Variants in TMEM132C observed in about 807,000 individuals in gnomAD.
TMEM132C encodes the protein transmembrane protein 132C, also known as protein phosphatase 1, regulatory subunit 152.
A neutral mutation model predicts 61.4 loss-of-function variants in TMEM132C; 29 were observed. The observed-to-expected ratio is 0.47, with a 90% confidence interval of 0.35 to 0.64. The LOEUF (loss-of-function observed/expected upper bound fraction) is 0.64, where lower values mean the gene tolerates loss of function less well. Ranked by LOEUF, TMEM132C falls within the 30% of genes least tolerant of loss-of-function variation. The pLI is 0.00. For synonymous variants in TMEM132C, 656 were observed against 633.1 expected (o/e 1.04, Z -0.54); for missense variants, 1,408 against 1,476.9 (o/e 0.95, Z 0.76).
At chr12:128,648,970 G>T (rs1025642959) in intron 4 of TMEM132C, among the ~76,000 whole-genome samples, 1 of 151,042 alleles carries the variant, frequency 6.6e-6, no homozygotes, top group Middle Eastern at 3.4e-3. Context: ...GGATGTGAGT[G>T]TGTTTAGCTC....
At chr12:128,503,665 C>A (rs1872255817) in intron 2 of TMEM132C, among the ~76,000 whole-genome samples, 1 of 152,152 alleles carries the variant, frequency 6.6e-6, no homozygotes, top group African/African-American at 2.4e-5. Flanking sequence ...CCTTTAATCC[C>A]ATCATCAATG....
intron 5 of TMEM132C, among the ~76,000 whole-genome samples, chr12:128,693,226 AGGCACTACG>A (rs1954732732): frequency 6.6e-6 from 1 of 152,120 alleles, no homozygotes; most frequent in Non-Finnish European, 1.5e-5. Flanking sequence ...CTGGGGAGGA[AGGCACTACG>A]GGCCCTTTGC....
At chr12:128,304,461 T>C (rs1871696120) in intron 1 of TMEM132C, among the ~76,000 whole-genome samples, 1 of 151,904 alleles carries the variant, frequency 6.6e-6, no homozygotes, top group South Asian at 2.1e-4. Context: ...TACAAAAAAT[T>C]AGCTGGGCAT....
intron 3 of TMEM132C, among the ~76,000 whole-genome samples, chr12:128,587,586 A>G (rs1875598186): frequency 6.6e-6 from 1 of 152,238 alleles, no homozygotes; most frequent in South Asian, 2.1e-4. Flanking sequence ...TCATGTACAC[A>G]ATGGCATTAA....
At chr12:128,306,194 T>G (rs12815175) in intron 1 of TMEM132C, among the ~76,000 whole-genome samples, 58,802 of 150,082 alleles carry the variant, frequency 0.39, 12,518 homozygotes, top group Non-Finnish European at 0.48. Context: ...CTCTTTACCC[T>G]GTGAAGAAAT....
intron 1 of TMEM132C, among the ~76,000 whole-genome samples, chr12:128,340,913 TCTTTCTCTC>T (rs1565906181): frequency 1.1e-4 from 12 of 110,038 alleles, no homozygotes; most frequent in African/African-American, 3.6e-4. Flanking sequence ...TTTCTCTCTC[TCTTTCTCTC>T]TCTCTCTCTC....
At chr12:128,304,575 C>T (rs1034445217) in intron 1 of TMEM132C, among the ~76,000 whole-genome samples, 11 of 151,946 alleles carry the variant, frequency 7.2e-5, no homozygotes, top group African/African-American at 2.7e-4. Context: ...CACCACTGCA[C>T]TCCAGCCTGG....
At chr12:128,433,716 C>A (rs1457912332) in intron 2 of TMEM132C, among the ~76,000 whole-genome samples, 1 of 152,136 alleles carries the variant, frequency 6.6e-6, no homozygotes, top group Non-Finnish European at 1.5e-5. Context: ...TTTGGAAAAT[C>A]AGAAAGGAAG....
At chr12:128,527,076 A>G (rs565008376) in intron 2 of TMEM132C, among the ~76,000 whole-genome samples, 2 of 152,334 alleles carry the variant, frequency 1.3e-5, no homozygotes, top group African/African-American at 4.8e-5. Flanking sequence ...CAGCCCGTGC[A>G]TCCTCATGAA....
rs758568956 is a variant in TMEM132C, at chr12:128,591,879, C to A, written c.1122-24273C>A. Among the ~76,000 whole-genome samples the A allele has an allele frequency of 5.5e-4, 83 of 151,892 alleles. 1 individual carries two copies. Among genetic ancestry groups the A allele is most frequent in the Non-Finnish European group, 4.7e-4 (32 of 67,932 alleles). ...CCAGCCTGGCCAATGTGATGAAACCCCATCTCTACTAAAAATACAAAAATT... is the reference window on the plus strand; with the variant it reads ...CCAGCCTGGCCAATGTGATGAAACCACATCTCTACTAAAAATACAAAAATT... On this transcript the variant is annotated intron_variant, in intron 3 of 8. Coordinates refer to ENST00000435159, the MANE Select transcript of TMEM132C (RefSeq NM_001136103.3).
chr12:128,487,097 C>T (rs1156839754), intron 2 of TMEM132C, among the ~76,000 whole-genome samples: 1 of 152,116 alleles, frequency 6.6e-6, no homozygotes, highest in Admixed American at 6.5e-5. Flanking sequence ...ACCCAGCCAC[C>T]GACCAAGGGA....
At chr12:128,681,817 A>ATTTTTTT (rs35154554) in intron 5 of TMEM132C, among the ~76,000 whole-genome samples, 66 of 86,426 alleles carry the variant, frequency 7.6e-4, no homozygotes, top group East Asian at 1.1e-3. Context: ...CCACGCCTGG[A>ATTTTTTT]TTTTTTTTTT....
In TMEM132C at chr12:128,415,355, G is replaced by A. The variant is rs530322074; in HGVS notation, c.709G>A (p.Glu237Lys). ...ELYYTVHPGN[E>K]RGDCAGGDFR... ...CTACTACACCGTGCACCCAGGAAAC[G>A]AGCGAGGGGACTGTGCCGGGGGTGA... The change falls in exon 2 of 9, where the codon GAG becomes AAG. Residue 237 changes from glutamate to lysine, a missense_variant. Physicochemically the swap from Glu to Lys is moderately conservative, Grantham distance 56 (BLOSUM62 1). Transcript: ENST00000435159. The surrounding 1 kb of genome is among the most constrained non-coding windows in gnomAD (Gnocchi z 5.8). 22 of 1,568,678 alleles carry A rather than the reference G, an allele frequency of 1.4e-5. No individual in the cohort carries two copies. Among genetic ancestry groups the A allele is most frequent in the East Asian group, 7.1e-5 (3 of 42,422 alleles).
chr12:128,296,141 G>A (rs1871407698), intron 1 of TMEM132C, among the ~76,000 whole-genome samples: 5 of 152,218 alleles, frequency 3.3e-5, no homozygotes, highest in African/African-American at 2.4e-5. Flanking sequence ...TTGGCCTGAT[G>A]CCTGAACCCA....
At chr12:128,274,107 T>C (rs1296994512) in intron 1 of TMEM132C, among the ~76,000 whole-genome samples, 1 of 152,182 alleles carries the variant, frequency 6.6e-6, no homozygotes, top group Non-Finnish European at 1.5e-5. Context: ...ATACAACCCA[T>C]CTGGAGTCTA....
chr12:128,333,877 AGT>A (rs1449778094), intron 1 of TMEM132C, among the ~76,000 whole-genome samples: 1 of 132,518 alleles, frequency 7.5e-6, no homozygotes, highest in African/African-American at 2.9e-5. Flanking sequence ...TATGTGTGAG[AGT>A]GTGTGCCTTG....
At chr12:128,490,279 G>C (rs1488986820) in intron 2 of TMEM132C, among the ~76,000 whole-genome samples, 1 of 152,166 alleles carries the variant, frequency 6.6e-6, no homozygotes, top group Non-Finnish European at 1.5e-5. Context: ...GGCAATGCTT[G>C]TACCTGGCTT....
At chr12:128,651,271 T>A (rs1954267321) in intron 4 of TMEM132C, among the ~76,000 whole-genome samples, 1 of 152,030 alleles carries the variant, frequency 6.6e-6, no homozygotes, top group African/African-American at 2.4e-5. Context: ...GATTGCAGAG[T>A]CTCTTCACAT....
At chr12:128,576,058 C>A (rs763448409) in intron 3 of TMEM132C, among the ~76,000 whole-genome samples, 2 of 152,120 alleles carry the variant, frequency 1.3e-5, no homozygotes, top group African/African-American at 2.4e-5. Context: ...AGTTCGAGAC[C>A]AGCCTGGCCA....
Sources: gnomAD v4.1 joint callset for allele counts (sites outside exome capture counted in the v4.1 genomes callset) on GRCh38, gnomAD v4.1.1 for gene constraint, Gnocchi (gnomAD v3.1) non-coding constraint, MANE v1.5 for transcripts, NCBI Gene and HGNC (gene_info 2026-07-23, HGNC 2026-07-21) for gene names.